ANO4: variants seen among roughly 807,000 people sequenced by gnomAD.
ANO4 encodes anoctamin-4.
Under a neutral mutation model 141.9 loss-of-function variants are expected in ANO4, and 69 were observed. The ratio of observed to expected loss-of-function variants is 0.49; its 90% CI spans 0.40 to 0.59. ANO4 has a LOEUF of 0.59. ANO4 is among the 20% of genes least tolerant of loss of function. The pLI, the probability that ANO4 is intolerant of heterozygous loss-of-function variation, is 0.00. For missense variants in ANO4, 894 were observed against 1,162.2 expected (o/e 0.77, Z 3.36); for synonymous variants, 350 against 394.3 (o/e 0.89, Z 1.33).
chr12:100,942,680 C>G, intron 5 of ANO4, 145 bp downstream of exon 5: 1 of 844,738 alleles, frequency 1.2e-6, no homozygotes, highest in South Asian at 2.3e-5. Flanking sequence ...GGGAATGTTC[C>G]AATATTTAGA....
chr12:100,995,928 G>A (rs2045349016), intron 8 of ANO4, among the ~76,000 whole-genome samples: 2 of 152,200 alleles, frequency 1.3e-5, no homozygotes, highest in Admixed American at 6.5e-5. Flanking sequence ...TCTGGAGCCA[G>A]CTTCTCTGAT....
chr12:100,741,600 T>G (rs1192407033), intron 3 of ANO4, among the ~76,000 whole-genome samples: 1 of 152,112 alleles, frequency 6.6e-6, no homozygotes, highest in East Asian at 1.9e-4. Context: ...TATCAGGGAT[T>G]GGTAATGAAG....
intron 22 of ANO4, among the ~76,000 whole-genome samples, chr12:101,109,132 A>G (rs2050562555): frequency 2.0e-5 from 3 of 152,178 alleles, no homozygotes; most frequent in Non-Finnish European, 4.4e-5. Flanking sequence ...GTGCGTTTGC[A>G]CAATTGGGTT....
intron 2 of ANO4, among the ~76,000 whole-genome samples, chr12:100,912,751 A>G (rs1055865544): frequency 6.6e-6 from 1 of 152,204 alleles, no homozygotes; most frequent in Non-Finnish European, 1.5e-5. Context: ...TGGATGAGAT[A>G]ATCAGTCTTC....
chr12:100,732,960 A>G (rs2031444236), intron 1 of ANO4, among the ~76,000 whole-genome samples: 1 of 152,124 alleles, frequency 6.6e-6, no homozygotes, highest in African/African-American at 2.4e-5. Flanking sequence ...CCTGTGCTGC[A>G]CTTTTAGCTT....
chr12:100,984,290 T>C (rs1398636528), intron 7 of ANO4, among the ~76,000 whole-genome samples: 2 of 152,070 alleles, frequency 1.3e-5, no homozygotes, highest in Non-Finnish European at 2.9e-5. Context: ...AGAGATGGGG[T>C]TTCACTATGT....
chr12:101,101,773 G>T (rs1341643809), intron 22 of ANO4, among the ~76,000 whole-genome samples: 1 of 152,036 alleles, frequency 6.6e-6, no homozygotes, highest in Non-Finnish European at 1.5e-5. Flanking sequence ...AGATCTTCTA[G>T]GCTCCTGAAT....
chr12:100,943,025 T>C (rs1204943081), intron 5 of ANO4, among the ~76,000 whole-genome samples: 1 of 152,164 alleles, frequency 6.6e-6, no homozygotes, highest in Non-Finnish European at 1.5e-5. Flanking sequence ...TTAAGAGACA[T>C]TCAGGCTATT....
chr12:100,769,955 C>T (rs945845624), intron 3 of ANO4, among the ~76,000 whole-genome samples: 4 of 152,088 alleles, frequency 2.6e-5, no homozygotes, highest in African/African-American at 9.7e-5. Flanking sequence ...GCCAAATTTT[C>T]TAAAGTTTTA....
intron 2 of ANO4, among the ~76,000 whole-genome samples, chr12:100,918,618 T>C (rs73389674): frequency 0.02 from 3,071 of 152,280 alleles, 114 homozygotes; most frequent in African/African-American, 0.07. Context: ...TGTAATGTCA[T>C]AGTGCAATAC....
chr12:100,997,118 G>A (rs368208253), intron 8 of ANO4, among the ~76,000 whole-genome samples: 3 of 152,078 alleles, frequency 2.0e-5, no homozygotes. Flanking sequence ...GGCGGATCAC[G>A]AGGTCAGCAG....
chr12:100,953,393 C>T (rs1321557768), intron 5 of ANO4, among the ~76,000 whole-genome samples: 2 of 152,160 alleles, frequency 1.3e-5, no homozygotes, highest in Non-Finnish European at 2.9e-5. Context: ...GAAGTGTAAG[C>T]TGAGTATTAT....
At chr12:101,026,339 G>T (rs1461103120) in intron 9 of ANO4, among the ~76,000 whole-genome samples, 2 of 152,096 alleles carry the variant, frequency 1.3e-5, no homozygotes, top group Non-Finnish European at 2.9e-5. Flanking sequence ...CTTAAGAATT[G>T]TACACTGAAA....
chr12:101,053,355 A>G (rs2047951884), intron 14 of ANO4, among the ~76,000 whole-genome samples: 1 of 152,200 alleles, frequency 6.6e-6, no homozygotes, highest in South Asian at 2.1e-4. Context: ...AGTGATAGGG[A>G]GGTTGAGTGT....
intron 1 of ANO4, among the ~76,000 whole-genome samples, chr12:100,719,027 AG>A (rs1445886811): frequency 6.6e-6 from 1 of 152,212 alleles, no homozygotes; most frequent in African/African-American, 2.4e-5. Context: ...AGCTTAATTG[AG>A]CACCCAGGTG....
rs371321264 is a variant in ANO4, at chr12:101,046,494, C to G, written c.1252-1847C>G. On this transcript the variant is annotated intron_variant, in intron 13 of 27. Transcript: ENST00000392977. ...GGTATCTACAACCTACCTCTCCCCACACACCACCACCATCACACACATACC... is the reference window on the plus strand; with the variant it reads ...GGTATCTACAACCTACCTCTCCCCAGACACCACCACCATCACACACATACC... Among the ~76,000 whole-genome samples, 4 of 152,320 alleles carry G rather than the reference C, an allele frequency of 2.6e-5. No homozygotes were observed. In the East Asian group the frequency reaches 7.7e-4, roughly 29 times the overall value.
intron 21 of ANO4, among the ~76,000 whole-genome samples, chr12:101,099,255 T>A (rs1162037807): frequency 1.3e-5 from 2 of 152,226 alleles, no homozygotes; most frequent in African/African-American, 4.8e-5. Context: ...TTCCTCAAGA[T>A]ATCTTGGTGT....
intron 1 of ANO4, among the ~76,000 whole-genome samples, chr12:100,897,533 A>G (rs2040405690): frequency 6.6e-6 from 1 of 152,254 alleles, no homozygotes; most frequent in South Asian, 2.1e-4. Context: ...CACCTGCCCT[A>G]TGGAAAGTAC....
intron 8 of ANO4, among the ~76,000 whole-genome samples, chr12:101,013,979 C>T (rs951646120): frequency 6.6e-6 from 1 of 152,128 alleles, no homozygotes; most frequent in Non-Finnish European, 1.5e-5. Context: ...CATTAATGAG[C>T]ACCTTTCCCC....
Sources: allele counts gnomAD v4.1 joint callset (sites outside exome capture counted in the v4.1 genomes callset), GRCh38; gene constraint gnomAD v4.1.1; transcripts MANE v1.5; gene names NCBI Gene and HGNC (gene_info 2026-07-23, HGNC 2026-07-21).